Variants in PHACTR3 observed in about 807,000 individuals in gnomAD.
PHACTR3 encodes phosphatase and actin regulator 3, also known as protein phosphatase 1, regulatory subunit 123.
PHACTR3 carries 16 observed loss-of-function variants against 66.8 expected under a neutral mutation model. That is an observed-to-expected ratio of 0.24 (90% CI 0.16 to 0.36). The LOEUF is 0.36. Among genes scored for constraint, PHACTR3 ranks in the 10% least tolerant of loss-of-function variants. The probability of loss-of-function intolerance (pLI) is 1.00; values close to 1 mark genes in which losing one functional copy is unlikely to be tolerated. For synonymous variants in PHACTR3, 323 were observed against 292.1 expected (o/e 1.11, Z -1.08); for missense variants, 647 against 719.9 (o/e 0.90, Z 1.16).
intron 1 of PHACTR3, among the ~76,000 whole-genome samples, chr20:59,607,316 C>T (rs1018629229): frequency 6.6e-6 from 1 of 152,118 alleles, no homozygotes; most frequent in Admixed American, 6.5e-5. Context: ...CAACCTCAGT[C>T]ACTTCTTGGA....
intron 8 of PHACTR3, among the ~76,000 whole-genome samples, chr20:59,827,327 G>A (rs964639233): frequency 6.6e-6 from 1 of 152,124 alleles, no homozygotes; most frequent in South Asian, 2.1e-4. Context: ...ACCACCACTG[G>A]GGCTGTTCCT....
chr20:59,787,796 C>G (rs1325125856), intron 7 of PHACTR3, among the ~76,000 whole-genome samples: 3 of 152,158 alleles, frequency 2.0e-5, no homozygotes, highest in Admixed American at 6.5e-5. Flanking sequence ...CTGTATAAAG[C>G]AAAGCACCCT....
rs115803966 is a variant in PHACTR3, at chr20:59,760,351, C to T, written c.541+4987C>T. Among the ~76,000 whole-genome samples the T allele has an allele frequency of 1.5e-3, 230 of 152,124 alleles. 1 individual carries two copies. The highest frequency in any genetic ancestry group is 5.2e-3 in the African/African-American group (217 of 41,500). On this transcript the variant is annotated intron_variant, in intron 4 of 12. Coordinates refer to ENST00000371015, the MANE Select transcript of PHACTR3 (RefSeq NM_080672.5). ...TTCCTGGTTTTGTTTGGATGGTGCC[C>T]GATATGGTTTGGCTGTGTCCGCACC...
At chr20:59,583,249 T>C (rs1419175297) in intron 1 of PHACTR3, among the ~76,000 whole-genome samples, 5 of 152,190 alleles carry the variant, frequency 3.3e-5, no homozygotes, top group Non-Finnish European at 5.9e-5. Context: ...CCCAGGGATC[T>C]GTTGATTCTG....
At chr20:59,694,001 C>G (rs1366037486) in intron 1 of PHACTR3, among the ~76,000 whole-genome samples, 2 of 152,210 alleles carry the variant, frequency 1.3e-5, no homozygotes, top group African/African-American at 4.8e-5. Context: ...GAACAGAGTT[C>G]ACTGCAGAGG....
In PHACTR3 at chr20:59,736,457, A is replaced by G. The variant is rs1245105400; in HGVS notation, c.119-6650A>G. The stretch of plus-strand genomic sequence containing the variant: ...GTGCATGGGCCACATGCACCCGCCC[A>G]CAGATGGCATCCCACCCATGCAGGT... On this transcript the variant is annotated intron_variant, in intron 1 of 12. Transcript: ENST00000371015. The surrounding 1 kb of genome is among the most constrained non-coding windows in gnomAD (Gnocchi z 4.6). Among the ~76,000 whole-genome samples the G allele has an allele frequency of 6.6e-6, 1 of 151,924 alleles. No individual in the cohort carries two copies. Among genetic ancestry groups the G allele is most frequent in the Admixed American group, 6.6e-5 (1 of 15,258 alleles).
chr20:59,620,644 T>A (rs1468043537), intron 1 of PHACTR3, among the ~76,000 whole-genome samples: 1 of 152,212 alleles, frequency 6.6e-6, no homozygotes, highest in Non-Finnish European at 1.5e-5. Context: ...GTTGGACCAA[T>A]CCTGGTGATG....
rs952841275 is a variant in PHACTR3, at chr20:59,767,518, C to T, written c.751+123C>T. 6.1e-6 allele frequency: 7 copies of T among 1,154,350 alleles called. No homozygotes were observed. In the African/African-American group the frequency reaches 7.6e-5, roughly 13 times the overall value. The allele number at this position is 1,154,350 out of a possible 1,614,324, so 71.5% of individuals were successfully genotyped here. A position where few individuals can be genotyped will look rare whatever the true frequency, so the allele number is the denominator to read the frequency against. On this transcript the variant is annotated intron_variant, in intron 5 of 12. Coordinates refer to ENST00000371015, the MANE Select transcript of PHACTR3 (RefSeq NM_080672.5). ...TTCACCCATTCACTCATCCATCCAT[C>T]CATACCTTCAACCAGTCTTGATTGG...
upstream of PHACTR3, among the ~76,000 whole-genome samples, chr20:59,600,235 T>C (rs1027004714): frequency 6.6e-6 from 1 of 152,190 alleles, no homozygotes; most frequent in Non-Finnish European, 1.5e-5. Flanking sequence ...AGGCTCCCTC[T>C]CTGCTCCAGA....
At chr20:59,836,863 G>A (rs2058977286) in intron 9 of PHACTR3, among the ~76,000 whole-genome samples, 1 of 152,146 alleles carries the variant, frequency 6.6e-6, no homozygotes, top group Admixed American at 6.5e-5. Flanking sequence ...GTTTGGGTCG[G>A]GGTTCTTCAT....
intron 1 of PHACTR3, among the ~76,000 whole-genome samples, chr20:59,660,310 T>C (rs1312608764): frequency 6.6e-6 from 1 of 152,140 alleles, no homozygotes. Flanking sequence ...CTGGCTAACA[T>C]GGTGAAACCC....
intron 1 of PHACTR3, among the ~76,000 whole-genome samples, chr20:59,668,000 G>T (rs570421037): frequency 6.6e-6 from 1 of 152,336 alleles, no homozygotes; most frequent in South Asian, 2.1e-4. Context: ...TTTTGTAAAG[G>T]TGAGTGTATA....
Position 59,726,152 on chromosome 20 carries a change from A to C in PHACTR3, c.119-16955A>C, listed in dbSNP as rs1003069304. Among the ~76,000 whole-genome samples the C allele has an allele frequency of 3.3e-5, 5 of 152,188 alleles. 1 individual carries two copies. In the South Asian group the frequency reaches 8.3e-4, roughly 25 times the overall value. Reference sequence around the variant, plus strand: ...CTTTGAAATATGTGATCCTTGATAAATTTTTAATTTAGGGTAATTTTAAGT... The same window carrying C: ...CTTTGAAATATGTGATCCTTGATAACTTTTTAATTTAGGGTAATTTTAAGT... On this transcript the variant is annotated intron_variant, in intron 1 of 12. Transcript: ENST00000371015.
chr20:59,626,852 G>A (rs1016116711), intron 1 of PHACTR3: 19 of 152,244 alleles, frequency 1.2e-4, no homozygotes, highest in African/African-American at 4.1e-4. Flanking sequence ...GACCAGCTCT[G>A]CCTTGGTCTT....
chr20:59,815,420 TTTTTTTTTTTTG>T (rs1000321445), intron 8 of PHACTR3, among the ~76,000 whole-genome samples: 1 of 146,900 alleles, frequency 6.8e-6, no homozygotes, highest in Admixed American at 6.8e-5. Flanking sequence ...GGGTTCTGGT[TTTTTTTTTTTTG>T]TTTTTTTTTT....
chr20:59,609,283 C>T (rs899418060), intron 1 of PHACTR3, among the ~76,000 whole-genome samples: 1 of 152,210 alleles, frequency 6.6e-6, no homozygotes, highest in Non-Finnish European at 1.5e-5. Context: ...TGGCCCCTTC[C>T]TCTTTTATGC....
intron 7 of PHACTR3, among the ~76,000 whole-genome samples, chr20:59,780,338 C>A (rs915508859): frequency 6.6e-6 from 1 of 152,214 alleles, no homozygotes; most frequent in African/African-American, 2.4e-5. Context: ...ATAACAAAAT[C>A]CCTAGACTGG....
chr20:59,643,875 G>T (rs574774475), intron 1 of PHACTR3, among the ~76,000 whole-genome samples: 316 of 152,352 alleles, frequency 2.1e-3, no homozygotes, highest in African/African-American at 7.0e-3. Flanking sequence ...TGGATATCCT[G>T]TGAAAGTAGC....
chr20:59,801,367 A>C (rs1010525777), intron 7 of PHACTR3, among the ~76,000 whole-genome samples: 2 of 152,200 alleles, frequency 1.3e-5, no homozygotes, highest in African/African-American at 4.8e-5. Context: ...GGTTTTATAC[A>C]TTTTGACTTT....
Sources: allele counts gnomAD v4.1 joint callset (sites outside exome capture counted in the v4.1 genomes callset), GRCh38; gene constraint gnomAD v4.1.1; non-coding constraint Gnocchi (gnomAD v3.1); transcripts MANE v1.5; gene names NCBI Gene and HGNC (gene_info 2026-07-23, HGNC 2026-07-21).